Variants in SH3D21 observed in about 807,000 individuals in gnomAD.
SH3D21 encodes manchette microtubule inner protein 1.
SH3D21 carries 83 observed loss-of-function variants against 82.1 expected under a neutral mutation model. The ratio of observed to expected loss-of-function variants is 1.01; its 90% CI spans 0.85 to 1.21. The LOEUF is 1.21. Ranked by LOEUF, SH3D21 falls within the 50% of genes most tolerant of loss-of-function variation. SH3D21 has a pLI of 0.00. For missense variants in SH3D21, 980 were observed against 962.1 expected (o/e 1.02, Z -0.25); for synonymous variants, 383 against 387.8 (o/e 0.99, Z 0.15).
chr1:36,322,517 G>C, downstream of SH3D21: 1 of 1,601,190 alleles, frequency 6.2e-7, no homozygotes, highest in South Asian at 1.1e-5. Context: ...GCAGCGTGTC[G>C]TCGGGGCCCA....
chr1:36,307,222 C>T lies in SH3D21; in HGVS notation c.282C>T (p.Tyr94=), dbSNP rs1298538804. The part of the protein sequence containing the change: ...PQRWCKVNFS[Y]SPEQADELKL... ...GATGGTGCAAAGTGAACTTCAGCTA[C>T]AGCCCAGAGCAGGCGGACGAGCTGA... Residue 94 remains tyrosine, a synonymous_variant, in exon 4 of 16, where the codon TAC becomes TAT. Transcript: ENST00000453908. The surrounding 1 kb of genome is among the most constrained non-coding windows in gnomAD (Gnocchi z 5.4). The T allele has an allele frequency of 1.9e-6, 3 of 1,551,690 alleles. No homozygotes were observed. The highest frequency in any genetic ancestry group is 1.4e-5 in the African/African-American group (1 of 73,062).
chr1:36,328,325 G>A (rs1208612097), downstream of SH3D21: 8 of 369,120 alleles, frequency 2.2e-5, no homozygotes, highest in Non-Finnish European at 2.7e-5. Flanking sequence ...CTATTCTGCC[G>A]TTGACATGGG....
Position 36,306,866 on chromosome 1 carries a change from T to G in SH3D21, c.187T>G (p.Ser63Ala), listed in dbSNP as rs1415708792. The change falls in exon 3 of 16, where the codon TCC (serine) becomes GCC (alanine). Residue 63 changes from serine (S) to alanine (A), a missense_variant. Coordinates refer to ENST00000453908, the MANE Select transcript of SH3D21 (RefSeq NM_001162530.2). This position sits in a 1 kb window ranked among gnomAD's most constrained non-coding sequence, Gnocchi z 4.5. ...VQEIPETLRG[S>A]GEARRPRCAR... ...GGAGATCCCAGAGACCCTGCGGGGC[T>G]CCGGAGAGGCGCGGAGGCCGCGCTG... 1 of 1,298,160 alleles carries G rather than the reference T, an allele frequency of 7.7e-7. No individual in the cohort carries two copies. The highest frequency in any genetic ancestry group is 1.0e-6 in the Non-Finnish European group (1 of 993,734). 80.4% of individuals were successfully genotyped at this position (1,298,160 alleles called of 1,614,324 possible). A position where few individuals can be genotyped will look rare whatever the true frequency, so the allele number is the denominator to read the frequency against.
At chr1:36,318,400 A>T (rs1646379626) in intron 10 of SH3D21, among the ~76,000 whole-genome samples, 1 of 152,152 alleles carries the variant, frequency 6.6e-6, no homozygotes, top group South Asian at 2.1e-4. Context: ...TTTGGGAGTC[A>T]TTGACTTATT....
intron 10 of SH3D21, among the ~76,000 whole-genome samples, chr1:36,310,403 T>C (rs556258001): frequency 2.0e-5 from 3 of 152,040 alleles, no homozygotes; most frequent in Non-Finnish European, 4.4e-5. Context: ...CACCTGAGGT[T>C]AGGAGTTCAA....
At position 36,311,440 on chromosome 1, in the gene SH3D21, C is replaced by T. The variant is rs187385348; in HGVS notation, c.769+1850C>T. 3.0e-3 allele frequency among the ~76,000 whole-genome samples: 453 copies of T among 151,854 alleles called. 3 individuals carry two copies. Among genetic ancestry groups the T allele is most frequent in the South Asian group, 8.1e-3 (39 of 4,796 alleles). ...TATTTTTAGTAGAGATGGGGTTTCA[C>T]CGTGTTAGCCAGGATGGTCTCAATC... On this transcript the variant is annotated intron_variant, in intron 10 of 15. Coordinates refer to ENST00000453908, the MANE Select transcript of SH3D21 (RefSeq NM_001162530.2).
rs769428333 is a variant in SH3D21 at position 36,319,424 on chromosome 1, G to A, written c.917-18G>A. 9.6e-5 allele frequency: 149 copies of A among 1,551,362 alleles called. No homozygotes were observed. The highest frequency in any genetic ancestry group is 6.7e-4 in the Middle Eastern group (4 of 6,014). ...AGGGTCAGAGTAGGCTTGGGTCCCT[G>A]AGGTTCTGCTCTCTTAGGCCCCAAT... On this transcript the variant is annotated intron_variant, in intron 12 of 15. Transcript: ENST00000453908.
rs1259752049 is a variant in SH3D21 at position 36,319,427 on chromosome 1, G to A, written c.917-15G>A. ...GTCAGAGTAGGCTTGGGTCCCTGAG[G>A]TTCTGCTCTCTTAGGCCCCAATGGT... On this transcript the variant is annotated splice_polypyrimidine_tract_variant and intron_variant, in intron 12 of 15. Transcript: ENST00000453908. 50 of 1,551,598 alleles carry A rather than the reference G, an allele frequency of 3.2e-5. No homozygotes were observed. Among genetic ancestry groups the A allele is most frequent in the Non-Finnish European group, 4.3e-5 (49 of 1,146,948 alleles).
downstream of SH3D21, chr1:36,322,919 A>G: frequency 6.3e-7 from 1 of 1,591,510 alleles, no homozygotes; most frequent in Admixed American, 1.8e-5. Context: ...AGGGAAGGGG[A>G]TGGTGGTCAG....
At chr1:36,308,559 G>A in intron 9 of SH3D21, 84 bp downstream of exon 9, 2 of 1,116,658 alleles carry the variant, frequency 1.8e-6, no homozygotes, top group East Asian at 2.6e-5. Flanking sequence ...TCCGGACCTA[G>A]CTGGAGGGTC....
At position 36,307,409 on chromosome 1, in the gene SH3D21, G is replaced by A. The variant is rs1348305520; in HGVS notation, c.346-108G>A. 3 of 1,500,014 alleles carry A rather than the reference G, an allele frequency of 2.0e-6. No individual in the cohort carries two copies. The highest frequency in any genetic ancestry group is 4.0e-5 in the Admixed American group (2 of 49,690). 92.9% of individuals were successfully genotyped at this position (1,500,014 alleles called of 1,614,324 possible). A position where few individuals can be genotyped will look rare whatever the true frequency, so the allele number is the denominator to read the frequency against. ...GACGGTGCAGATACGGGGAAGCGCG[G>A]GAGGGAAGGAGGGAGGAAGGGGCGC... On this transcript the variant is annotated intron_variant, in intron 4 of 15. Transcript: ENST00000453908. The surrounding 1 kb of genome is among the most constrained non-coding windows in gnomAD (Gnocchi z 5.4).
At chr1:36,322,439 C>T, downstream of SH3D21, 1 of 1,604,074 alleles carries the variant, frequency 6.2e-7, no homozygotes, top group Non-Finnish European at 8.5e-7. Context: ...CCCGCTCCAG[C>T]TCCTCCGCCG....
In SH3D21 at chr1:36,320,123, C is replaced by A; in HGVS notation, c.1460C>A (p.Thr487Asn). The A allele has an allele frequency of 1.9e-6, 3 of 1,613,994 alleles. No homozygotes were observed. The highest frequency in any genetic ancestry group is 2.2e-5 in the East Asian group (1 of 44,884). The change falls in exon 14 of 16, where the codon ACC (threonine) becomes AAC (asparagine). Residue 487 changes from threonine to asparagine, a missense_variant. Thr to Asn is a moderately conservative substitution (Grantham distance 65). Transcript: ENST00000453908. ...DEAPTLEKVLTPELSEEEVST... is the reference protein window; with the variant it reads ...DEAPTLEKVLNPELSEEEVST... ...GCCCCCACTCTAGAAAAGGTCTTGACCCCAGAGCTTTCTGAAGAAGAGGTG... is the reference window on the plus strand; with the variant it reads ...GCCCCCACTCTAGAAAAGGTCTTGAACCCAGAGCTTTCTGAAGAAGAGGTG...
rs554438348 is a variant in SH3D21, at chr1:36,308,030, G to A, written c.538+67G>A. 231 of 1,550,612 alleles carry A rather than the reference G, an allele frequency of 1.5e-4. 1 individual carries two copies. In the African/African-American group the frequency reaches 2.7e-3, roughly 18 times the overall value. ...CCCAAGGTTGTGACTTGGTGGGCCA[G>A]CTAGGCTGATGGAGGTGGGGGCTGC... On this transcript the variant is annotated intron_variant, in intron 7 of 15. Transcript: ENST00000453908.
At chr1:36,327,104 G>A (rs1205611765), downstream of SH3D21, among the ~76,000 whole-genome samples, 1 of 152,188 alleles carries the variant, frequency 6.6e-6, no homozygotes, top group East Asian at 1.9e-4. Flanking sequence ...TCTCCTGGAG[G>A]TGAAGTCAGC....
rs113407010 is a variant in SH3D21, at chr1:36,319,360, G to A, written c.916+48G>A. 1.2e-5 allele frequency: 19 copies of A among 1,551,164 alleles called. 1 individual carries two copies. The highest frequency in any genetic ancestry group is 9.6e-5 in the African/African-American group (7 of 73,130). On this transcript the variant is annotated intron_variant, in intron 12 of 15. Transcript: ENST00000453908. ...GCGGGGAGGACTGGAGGACAGGGAT[G>A]GGGTGGCTGTGCGGAGGGACAGAGG...
downstream of SH3D21, chr1:36,321,956 C>T (rs1646470899): frequency 6.1e-6 from 7 of 1,140,722 alleles, 1 homozygote; most frequent in South Asian, 2.5e-4. This position sits in a 1 kb window ranked among gnomAD's most constrained non-coding sequence, Gnocchi z 6.1. Context: ...CAAGCTGGGC[C>T]TCAGTCCTGG....
At chr1:36,322,971 C>T, downstream of SH3D21, 2 of 1,605,642 alleles carry the variant, frequency 1.2e-6, no homozygotes, top group Non-Finnish European at 1.7e-6. Context: ...CCGCCCTCAC[C>T]GCGGATGTGC....
At chr1:36,308,603 TC>T in intron 9 of SH3D21, 128 bp downstream of exon 9, 2 of 678,594 alleles carry the variant, frequency 2.9e-6, no homozygotes, top group Non-Finnish European at 5.0e-6. Flanking sequence ...ATGTGGGGGC[TC>T]CTTTTGGATT....
Sources: gnomAD v4.1 joint callset for allele counts (sites outside exome capture counted in the v4.1 genomes callset) on GRCh38, gnomAD v4.1.1 for gene constraint, Gnocchi (gnomAD v3.1) non-coding constraint, MANE v1.5 for transcripts, NCBI Gene and HGNC (gene_info 2026-07-23, HGNC 2026-07-21) for gene names.